The following KDM3A variants were observed in gnomAD, a reference collection of about 807,000 sequenced individuals.
The protein encoded by KDM3A is lysine-specific demethylase 3A.
Under a neutral mutation model 158.0 loss-of-function variants are expected in KDM3A, and 60 were observed. The ratio of observed to expected loss-of-function variants is 0.38; its 90% CI spans 0.31 to 0.47. The LOEUF (loss-of-function observed/expected upper bound fraction) is 0.47. Among genes scored for constraint, KDM3A ranks in the 20% least tolerant of loss-of-function variants. KDM3A has a pLI of 0.99. For synonymous variants in KDM3A, 608 were observed against 549.3 expected, an observed-to-expected ratio of 1.11 and a Z score of -1.49; for missense variants, 1,319 against 1,574.3, an observed-to-expected ratio of 0.84 and a Z score of 2.74.
chr2:86,454,034 G>A (rs1312706227), intron 4 of KDM3A, among the ~76,000 whole-genome samples: 1 of 152,196 alleles, frequency 6.6e-6, no homozygotes, highest in African/African-American at 2.4e-5. Flanking sequence ...GTGGAATAGT[G>A]CCAAGAATGG....
chr2:86,478,994 C>A, intron 15 of KDM3A: 1 of 286,476 alleles, frequency 3.5e-6, no homozygotes, highest in Non-Finnish European at 6.4e-6. Flanking sequence ...GCACAAAGTT[C>A]TAAAGTAGTC....
In KDM3A at chr2:86,442,127, A is replaced by G; in HGVS notation, c.80A>G (p.Asp27Gly). 6.2e-7 allele frequency: 1 copy of G among 1,614,078 alleles called. No individual in the cohort carries two copies. Among genetic ancestry groups the G allele is most frequent in the South Asian group, 1.1e-5 (1 of 91,076 alleles). The change falls in exon 2 of 26, where the codon GAT (aspartate) becomes GGT (glycine). Residue 27 changes from aspartate (D) to glycine (G), a missense_variant. Around this residue, in one of 4 missense-constraint regions of KDM3A, gnomAD observed 652 missense variants for 627.2 expected, o/e 1.04. Coordinates refer to ENST00000312912, the MANE Select transcript of KDM3A (RefSeq NM_018433.6). ...AGTCTGTCCGCAGCCGACGGCAGCG[A>G]TGGCAGCCACGACAGCTGGGACGTG... ...FLSLSAADGS[D>G]GSHDSWDVER...
chr2:86,491,921 G>A (rs1022374359), intron 25 of KDM3A, 118 bp from the exon 26 acceptor site: 4 of 681,048 alleles, frequency 5.9e-6, no homozygotes, highest in East Asian at 2.7e-5. Flanking sequence ...CATTTCATAC[G>A]AATATTGAAT....
intron 11 of KDM3A, among the ~76,000 whole-genome samples, chr2:86,474,314 G>C (rs758944328): frequency 2.0e-5 from 3 of 152,136 alleles, no homozygotes; most frequent in Non-Finnish European, 4.4e-5. Context: ...CATTGGCTGT[G>C]ATTAGCCATG....
chr2:86,484,260 A>G, intron 19 of KDM3A, 102 bp downstream of exon 19: 1 of 997,306 alleles, frequency 1.0e-6, no homozygotes. Flanking sequence ...AGCATTTTCC[A>G]GGATTTTGGA....
chr2:86,448,594 A>G (rs1436469992), intron 2 of KDM3A, among the ~76,000 whole-genome samples: 1 of 152,186 alleles, frequency 6.6e-6, no homozygotes, highest in Non-Finnish European at 1.5e-5. Flanking sequence ...AGAGAGAGGC[A>G]CTTTGGTAAG....
At chr2:86,491,573 C>T (rs1018188924) in intron 25 of KDM3A, 13 of 402,754 alleles carry the variant, frequency 3.2e-5, no homozygotes, top group South Asian at 6.3e-5. Context: ...AGCTGCCTGT[C>T]GGGGTCTTGA....
At chr2:86,455,908 A>T (rs1672671631) in intron 5 of KDM3A, among the ~76,000 whole-genome samples, 1 of 148,310 alleles carries the variant, frequency 6.7e-6, no homozygotes, top group Non-Finnish European at 1.5e-5. Context: ...GTGATCCCTG[A>T]TTACACTGCT....
intron 21 of KDM3A, chr2:86,487,169 G>A (rs962993504): frequency 1.3e-5 from 2 of 152,174 alleles, no homozygotes; most frequent in East Asian, 3.8e-4. Flanking sequence ...CTTTAAAGGT[G>A]GGTATCTGAG....
intron 12 of KDM3A, among the ~76,000 whole-genome samples, chr2:86,476,726 T>C (rs1441765523): frequency 6.6e-6 from 1 of 152,242 alleles, no homozygotes; most frequent in African/African-American, 2.4e-5. Context: ...ATTTGTAAGA[T>C]GCCTAAAGCT....
intron 4 of KDM3A, among the ~76,000 whole-genome samples, chr2:86,454,702 A>G (rs1672613339): frequency 6.6e-6 from 1 of 151,814 alleles, no homozygotes; most frequent in Admixed American, 6.6e-5. Context: ...TGTCCCTTGG[A>G]TTTGGATTGT....
intron 3 of KDM3A, among the ~76,000 whole-genome samples, chr2:86,450,477 CTT>C (rs1672405833): frequency 6.6e-6 from 1 of 152,110 alleles, no homozygotes; most frequent in African/African-American, 2.4e-5. Flanking sequence ...TATTTTTTGG[CTT>C]TAAAGATACT....
At chr2:86,465,938 CAA>C (rs10541366) in intron 9 of KDM3A, among the ~76,000 whole-genome samples, 27,363 of 118,170 alleles carry the variant, frequency 0.23, 3,248 homozygotes, top group African/African-American at 0.43. Flanking sequence ...AATTTACACA[CAA>C]AAAAAAAAAA....
rs1350027201 is a variant in KDM3A at position 86,491,283 on chromosome 2, T to C, written c.3885+8T>C. Reference sequence around the variant, plus strand: ...CACGAAGATAAATTACAGGTAAAAATAGCACCAATTCCTAGCATTCTTTGG... The same window carrying C: ...CACGAAGATAAATTACAGGTAAAAACAGCACCAATTCCTAGCATTCTTTGG... On this transcript the variant is annotated splice_region_variant and intron_variant, in intron 25 of 25. Coordinates refer to ENST00000312912, the MANE Select transcript of KDM3A (RefSeq NM_018433.6). 1.2e-6 allele frequency: 2 copies of C among 1,613,196 alleles called. No homozygotes were observed.
chr2:86,469,564 C>G (rs1208292984), intron 10 of KDM3A, among the ~76,000 whole-genome samples: 1 of 152,180 alleles, frequency 6.6e-6, no homozygotes, highest in Non-Finnish European at 1.5e-5. Context: ...AACATAAAAT[C>G]TGCATTTACT....
At chr2:86,452,168 C>G (rs1672498527) in intron 4 of KDM3A, among the ~76,000 whole-genome samples, 2 of 148,606 alleles carry the variant, frequency 1.3e-5, no homozygotes, top group South Asian at 2.1e-4. Flanking sequence ...GTGCTTTTTG[C>G]AGTCTATTTA....
chr2:86,442,905 A>C (rs1372020220), intron 2 of KDM3A, among the ~76,000 whole-genome samples: 1 of 152,110 alleles, frequency 6.6e-6, no homozygotes, highest in Non-Finnish European at 1.5e-5. Context: ...ACTTGGACGC[A>C]TGAGGGGAGG....
rs145890960 is a variant in KDM3A at position 86,455,269 on chromosome 2, A to G, written c.556+82A>G. On this transcript the variant is annotated intron_variant, in intron 5 of 25. Coordinates refer to ENST00000312912, the MANE Select transcript of KDM3A (RefSeq NM_018433.6). The stretch of plus-strand genomic sequence containing the variant: ...GAAACTAGGGTTTAGCCTCTCATTC[A>G]TTTGCTCATGGAAATTTCTTTTTTC... 2.9e-5 allele frequency: 22 copies of G among 762,558 alleles called. No individual in the cohort carries two copies. In the African/African-American group the frequency reaches 3.4e-4, roughly 12 times the overall value. 47.2% of individuals were successfully genotyped at this position (762,558 alleles called of 1,614,324 possible).
At chr2:86,483,910 TGTGAAGA>T in intron 18 of KDM3A, 70 bp from the exon 19 acceptor site, 8 of 1,139,736 alleles carry the variant, frequency 7.0e-6, no homozygotes, top group Non-Finnish European at 1.0e-5. Flanking sequence ...CCAATAGCAG[TGTGAAGA>T]GGGACTGCCT....
Sources: allele counts gnomAD v4.1 joint callset (sites outside exome capture counted in the v4.1 genomes callset), GRCh38; gene constraint gnomAD v4.1.1; regional missense constraint gnomAD v4.1.1; transcripts MANE v1.5; gene names NCBI Gene and HGNC (gene_info 2026-07-23, HGNC 2026-07-21).